Variants in RSRC1 observed in about 807,000 individuals in gnomAD.
RSRC1 encodes arginine and serine rich coiled-coil 1.
Under a neutral mutation model 49.1 loss-of-function variants are expected in RSRC1, and 39 were observed. That is an observed-to-expected ratio of 0.79 (90% CI 0.61 to 1.04). The LOEUF (loss-of-function observed/expected upper bound fraction) is 1.04. Ranked by LOEUF, RSRC1 falls within the 50% of genes least tolerant of loss-of-function variation. The pLI, the probability that RSRC1 is intolerant of heterozygous loss-of-function variation, is 0.00. For missense variants in RSRC1, 388 were observed against 402.4 expected (o/e 0.96, Z 0.31); for synonymous variants, 143 against 130.8 (o/e 1.09, Z -0.63).
intron 4 of RSRC1, among the ~76,000 whole-genome samples, chr3:158,255,970 A>T (rs550305000): frequency 6.6e-6 from 1 of 152,126 alleles, no homozygotes; most frequent in Admixed American, 6.6e-5. Flanking sequence ...GGCTGAGACA[A>T]TGGGGATTTC....
chr3:158,357,925 C>T (rs922484670), intron 6 of RSRC1, among the ~76,000 whole-genome samples: 1 of 152,084 alleles, frequency 6.6e-6, no homozygotes, highest in Non-Finnish European at 1.5e-5. Context: ...AGAAATCCTA[C>T]GATTAGACTT....
chr3:158,389,052 G>A (rs1684993760), intron 6 of RSRC1, among the ~76,000 whole-genome samples: 1 of 152,192 alleles, frequency 6.6e-6, no homozygotes, highest in African/African-American at 2.4e-5. Context: ...AAAAAAAACA[G>A]ATTATTCTAA....
chr3:158,284,715 C>T (rs1374189973), intron 4 of RSRC1, among the ~76,000 whole-genome samples: 2 of 151,882 alleles, frequency 1.3e-5, no homozygotes, highest in South Asian at 2.1e-4. Context: ...CTGTTCACGT[C>T]CTTTGCCCAC....
intron 4 of RSRC1, among the ~76,000 whole-genome samples, chr3:158,222,005 C>G (rs961308181): frequency 1.3e-5 from 2 of 151,314 alleles, no homozygotes; most frequent in African/African-American, 4.8e-5. Context: ...ATTATATTAC[C>G]TAATGTATCC....
chr3:158,471,678 A>C (rs1275139573), intron 7 of RSRC1, among the ~76,000 whole-genome samples: 1 of 152,330 alleles, frequency 6.6e-6, no homozygotes, highest in Non-Finnish European at 1.5e-5. Flanking sequence ...GTGAATTCAC[A>C]GAATTTGCTG....
intron 6 of RSRC1, among the ~76,000 whole-genome samples, chr3:158,397,804 A>G (rs901771387): frequency 6.6e-6 from 1 of 151,892 alleles, no homozygotes; most frequent in Non-Finnish European, 1.5e-5. Flanking sequence ...TGCTCTTTCC[A>G]TGGCTGACTT....
intron 5 of RSRC1, among the ~76,000 whole-genome samples, chr3:158,302,386 T>C (rs1343406914): frequency 6.6e-6 from 1 of 152,130 alleles, no homozygotes; most frequent in Non-Finnish European, 1.5e-5. Context: ...AAACACTGCT[T>C]ATAATGTTGT....
chr3:158,287,962 G>T (rs1578292403), intron 4 of RSRC1, among the ~76,000 whole-genome samples: 1 of 152,106 alleles, frequency 6.6e-6, no homozygotes, highest in East Asian at 1.9e-4. Flanking sequence ...TTTTCCTGTG[G>T]ATGCATACCA....
chr3:158,156,771 T>G (rs571503566), intron 3 of RSRC1, among the ~76,000 whole-genome samples: 2 of 152,314 alleles, frequency 1.3e-5, no homozygotes, highest in African/African-American at 4.8e-5. Flanking sequence ...TTCACTGTCT[T>G]ATATGGATGC....
Position 158,203,107 on chromosome 3 carries a change from G to C in RSRC1, c.356G>C (p.Arg119Pro), listed in dbSNP as rs371922284. ...RSRPRLRSHSRSSERSSHRRT... is the reference protein window; with the variant it reads ...RSRPRLRSHSPSSERSSHRRT... ...AGACCTCGTCTCCGTTCTCATAGTC[G>C]TAGCAGTGAAAGGTCCAGTCACAGA... is the stretch of plus-strand genomic sequence containing the variant. The change falls in exon 4 of 10, where the codon CGT becomes CCT. Residue 119 changes from arginine (R) to proline (P), a missense_variant. Arg to Pro is a moderately radical substitution (Grantham distance 103). Coordinates refer to ENST00000611884, the MANE Select transcript of RSRC1 (RefSeq NM_001271838.2). 2 of 1,613,478 alleles carry C rather than the reference G, an allele frequency of 1.2e-6. No homozygotes were observed. Among genetic ancestry groups the C allele is most frequent in the Non-Finnish European group, 1.7e-6 (2 of 1,179,652 alleles).
At chr3:158,166,048 A>G (rs1718509463) in intron 3 of RSRC1, among the ~76,000 whole-genome samples, 1 of 152,182 alleles carries the variant, frequency 6.6e-6, no homozygotes, top group African/African-American at 2.4e-5. Flanking sequence ...AGAGTTTTGT[A>G]GTTAGAAGCA....
chr3:158,393,981 G>T (rs1733472388), intron 6 of RSRC1, among the ~76,000 whole-genome samples: 1 of 151,920 alleles, frequency 6.6e-6, no homozygotes, highest in African/African-American at 2.4e-5. Context: ...TTTATCCCTG[G>T]GATGCAAGGT....
chr3:158,165,976 A>G (rs760710717), intron 3 of RSRC1, among the ~76,000 whole-genome samples: 1 of 152,178 alleles, frequency 6.6e-6, no homozygotes, highest in Non-Finnish European at 1.5e-5. Flanking sequence ...TCTCTAAGGA[A>G]TTAGTCATTA....
chr3:158,169,381 C>T (rs1400229755), intron 3 of RSRC1, among the ~76,000 whole-genome samples: 1 of 152,094 alleles, frequency 6.6e-6, no homozygotes, highest in Non-Finnish European at 1.5e-5. Context: ...TATTTGGCCA[C>T]CTCATTCAGC....
chr3:158,142,060 T>C (rs111958977), intron 3 of RSRC1, among the ~76,000 whole-genome samples: 5,719 of 152,218 alleles, frequency 0.038, 362 homozygotes, highest in African/African-American at 0.13. Context: ...AGTGTGCCAC[T>C]GCACTCCAGC....
chr3:158,281,110 A>G (rs919528413), intron 4 of RSRC1, among the ~76,000 whole-genome samples: 2 of 151,686 alleles, frequency 1.3e-5, no homozygotes, highest in African/African-American at 4.8e-5. Flanking sequence ...ATAAATATAG[A>G]TAGTTTTTGT....
chr3:158,247,891 T>C (rs1256191581), intron 4 of RSRC1, among the ~76,000 whole-genome samples: 1 of 152,184 alleles, frequency 6.6e-6, no homozygotes, highest in Non-Finnish European at 1.5e-5. Flanking sequence ...CCACCCTGCT[T>C]TTCTTCAGTT....
chr3:158,186,078 T>C (rs1477962283), intron 3 of RSRC1, among the ~76,000 whole-genome samples: 1 of 151,926 alleles, frequency 6.6e-6, no homozygotes, highest in Non-Finnish European at 1.5e-5. Flanking sequence ...AAAGCAGAGC[T>C]ATAAGGACTT....
At chr3:158,238,357 A>C (rs1207412045) in intron 4 of RSRC1, among the ~76,000 whole-genome samples, 2 of 152,016 alleles carry the variant, frequency 1.3e-5, no homozygotes, top group South Asian at 2.1e-4. Context: ...ACAGAATTGG[A>C]AAAAACTACT....
Sources: gnomAD v4.1 joint callset for allele counts (sites outside exome capture counted in the v4.1 genomes callset) on GRCh38, gnomAD v4.1.1 for gene constraint, MANE v1.5 for transcripts, NCBI Gene and HGNC (gene_info 2026-07-23, HGNC 2026-07-21) for gene names.